TASOR: variants seen among roughly 807,000 people sequenced by gnomAD.
TASOR encodes transcription activation suppressor.
TASOR carries 53 observed loss-of-function variants against 178.6 expected under a neutral mutation model. That is an observed-to-expected ratio of 0.30 (90% CI 0.24 to 0.37). The LOEUF (loss-of-function observed/expected upper bound fraction) is 0.37, where lower values mean the gene tolerates loss of function less well. Ranked by LOEUF, TASOR falls within the 10% of genes least tolerant of loss-of-function variation. The probability of loss-of-function intolerance (pLI) is 1.00; values close to 1 mark genes in which losing one functional copy is unlikely to be tolerated. For synonymous variants in TASOR, 713 were observed against 696.2 expected (o/e 1.02, Z -0.38); for missense variants, 1,815 against 1,971.4 (o/e 0.92, Z 1.50).
rs1197531887 is a variant in TASOR, at chr3:56,647,124, C to T, written c.1613G>A (p.Cys538Tyr). The change falls in exon 14 of 24, where the codon TGT becomes TAT. Residue 538 changes from cysteine to tyrosine, a missense_variant. By Grantham distance (194) the Cys-to-Tyr change is radical (BLOSUM62 -2). Transcript: ENST00000683822. ...AQFLQFSLIQ[C>Y]RKEFKNISAI... is the part of the protein sequence containing the mutation. Reference sequence around the variant, plus strand: ...GCTTATATTTTTGAATTCCTTTCGACACTGAATCAAAGAAAATTGTAAAAA... The same window carrying T: ...GCTTATATTTTTGAATTCCTTTCGATACTGAATCAAAGAAAATTGTAAAAA... 2 of 1,607,016 alleles carry T rather than the reference C, an allele frequency of 1.2e-6. No homozygotes were observed. Among genetic ancestry groups the T allele is most frequent in the African/African-American group, 1.3e-5 (1 of 74,386 alleles).
rs1449704349 is a variant in TASOR, at chr3:56,622,402, A to C, written c.*635T>G. On this transcript the variant is annotated 3_prime_UTR_variant, in exon 24 of 24. Coordinates refer to ENST00000683822, the MANE Select transcript of TASOR (RefSeq NM_001365635.2). ...AGAAGCCTATCTTTTGAAATAAAAA[A>C]TTTAATTTCATTAAATCAAGGATTG... 2 of 152,422 alleles carry C rather than the reference A, an allele frequency of 1.3e-5. No homozygotes were observed. The highest frequency in any genetic ancestry group is 2.9e-5 in the Non-Finnish European group (2 of 68,006). The allele number at this position is 152,422 out of a possible 1,614,324, so 9.4% of individuals were successfully genotyped here. A position where few individuals can be genotyped will look rare whatever the true frequency, so the allele number is the denominator to read the frequency against.
chr3:56,674,692 T>C (rs183481314), intron 1 of TASOR, among the ~76,000 whole-genome samples: 10 of 152,194 alleles, frequency 6.6e-5, no homozygotes, highest in Admixed American at 4.6e-4. Flanking sequence ...GTAAATAAAT[T>C]ACTTATATAG....
intron 8 of TASOR, 112 bp from the exon 9 acceptor site, chr3:56,662,602 A>T: frequency 2.0e-6 from 1 of 488,368 alleles, no homozygotes; most frequent in Non-Finnish European, 3.7e-6. Context: ...TTTAAGTAGG[A>T]GGGCAAAAAA....
chr3:56,648,707 G>C (rs2077288215), intron 13 of TASOR, 115 bp downstream of exon 13: 2 of 562,922 alleles, frequency 3.6e-6, no homozygotes, highest in Admixed American at 3.3e-5. Context: ...TTAACCCCCA[G>C]TATTTCCTGA....
intron 16 of TASOR, among the ~76,000 whole-genome samples, chr3:56,638,978 C>T (rs2077068895): frequency 1.3e-5 from 2 of 152,140 alleles, no homozygotes; most frequent in African/African-American, 4.8e-5. Flanking sequence ...AAATGAGAAA[C>T]GGTTAGGATA....
intron 17 of TASOR, among the ~76,000 whole-genome samples, chr3:56,635,671 CCTCA>C (rs1393659169): frequency 6.6e-6 from 1 of 152,102 alleles, no homozygotes; most frequent in African/African-American, 2.4e-5. Context: ...AGACATGGGG[CCTCA>C]CTATGTTTCC....
intron 19 of TASOR, 77 bp downstream of exon 19, chr3:56,628,415 C>T (rs1349198912): frequency 7.7e-7 from 1 of 1,297,560 alleles, no homozygotes; most frequent in Non-Finnish European, 1.1e-6. Flanking sequence ...TTTAAAAACA[C>T]TAGTCTGGCA....
In TASOR at chr3:56,670,136, T is replaced by C. The variant is rs1202219369; in HGVS notation, c.580A>G (p.Ile194Val). Reference sequence around the variant, plus strand: ...CCCACATGTAATCCTTTTTCACATATGGTTTGAACCTAAATTTAAAAAAAA... The same window carrying C: ...CCCACATGTAATCCTTTTTCACATACGGTTTGAACCTAAATTTAAAAAAAA... ...LMVDRYQVQT[I>V]CEKGLHVGQS... Residue 194 changes from isoleucine (I) to valine (V), a missense_variant, in exon 4 of 24, where the codon ATA becomes GTA. Transcript: ENST00000683822. The C allele has an allele frequency of 8.5e-6, 13 of 1,532,330 alleles. No homozygotes were observed. Among genetic ancestry groups the C allele is most frequent in the Middle Eastern group, 1.7e-4 (1 of 5,922 alleles). 94.9% of individuals were successfully genotyped at this position (1,532,330 alleles called of 1,614,324 possible).
chr3:56,638,472 C>T (rs1221846924), intron 17 of TASOR, among the ~76,000 whole-genome samples: 1 of 152,114 alleles, frequency 6.6e-6, no homozygotes, highest in Non-Finnish European at 1.5e-5. Context: ...ATAGACTCTA[C>T]TATGGGTGAA....
intron 18 of TASOR, 37 bp downstream of exon 18, chr3:56,633,006 GT>G: frequency 6.9e-7 from 1 of 1,457,858 alleles, no homozygotes; most frequent in Non-Finnish European, 9.2e-7. Context: ...AACAAGAGAA[GT>G]TTGTACAGCA....
rs1316095196 is a variant in TASOR at position 56,620,561 on chromosome 3, C to T, written c.*2476G>A. Reference sequence around the variant, plus strand: ...TTTCCATGTCGTCATGTACCAATACCCTCTGCATTTCAAAATGTTGACTCA... The same window carrying T: ...TTTCCATGTCGTCATGTACCAATACTCTCTGCATTTCAAAATGTTGACTCA... On this transcript the variant is annotated 3_prime_UTR_variant, in exon 24 of 24. Coordinates refer to ENST00000683822, the MANE Select transcript of TASOR (RefSeq NM_001365635.2). The T allele has an allele frequency of 6.6e-6, 1 of 152,126 alleles. No homozygotes were observed. Among genetic ancestry groups the T allele is most frequent in the African/African-American group, 2.4e-5 (1 of 41,422 alleles). The allele number at this position is 152,126 out of a possible 1,614,324, so 9.4% of individuals were successfully genotyped here. A position where few individuals can be genotyped will look rare whatever the true frequency, so the allele number is the denominator to read the frequency against.
At chr3:56,634,038 TG>T (rs575274281) in intron 17 of TASOR, 72 bp from the exon 18 acceptor site, 2 of 1,272,804 alleles carry the variant, frequency 1.6e-6, no homozygotes, top group Non-Finnish European at 2.1e-6. Context: ...ACCCTTAAAT[TG>T]GGGGAAAAAA....
chr3:56,670,159 A>G lies in TASOR; in HGVS notation c.571-14T>C. On this transcript the variant is annotated splice_polypyrimidine_tract_variant and intron_variant, in intron 3 of 23. Coordinates refer to ENST00000683822, the MANE Select transcript of TASOR (RefSeq NM_001365635.2). ...TATGGTTTGAACCTAAATTTAAAAA[A>G]AAATACTTCATCTTGCAGTCATAAC... The G allele has an allele frequency of 7.6e-6, 11 of 1,456,138 alleles. No homozygotes were observed. The highest frequency in any genetic ancestry group is 1.0e-5 in the Non-Finnish European group (11 of 1,081,968). 90.2% of individuals were successfully genotyped at this position (1,456,138 alleles called of 1,614,324 possible). A position where few individuals can be genotyped will look rare whatever the true frequency, so the allele number is the denominator to read the frequency against.
Position 56,624,639 on chromosome 3 carries a change from C to A in TASOR, c.4323G>T (p.Lys1441Asn), listed in dbSNP as rs2076759641. 1.2e-6 allele frequency: 2 copies of A among 1,610,336 alleles called. No individual in the cohort carries two copies. Among genetic ancestry groups the A allele is most frequent in the East Asian group, 4.5e-5 (2 of 44,856 alleles). ...TATAACTGGAAAGCATCTTGATGTT[C>A]TTCTCTAAATTAAGAAAAAAAGTTT... is the stretch of plus-strand genomic sequence containing the variant. Reference protein sequence around the residue: ...QQRHIVFLTEKNIKMLSSYTD... With the variant: ...QQRHIVFLTENNIKMLSSYTD... The change falls in exon 23 of 24, where the codon AAG becomes AAT. Residue 1441 changes from lysine (K) to asparagine (N), a missense_variant. Coordinates refer to ENST00000683822, the MANE Select transcript of TASOR (RefSeq NM_001365635.2).
In TASOR at chr3:56,633,943, G is replaced by A; in HGVS notation, c.2848C>T (p.Leu950=). The A allele has an allele frequency of 6.4e-7, 1 of 1,550,506 alleles. No individual in the cohort carries two copies. The highest frequency in any genetic ancestry group is 8.7e-7 in the Non-Finnish European group (1 of 1,146,834). ...GCCTCCTGTGGTGGCACACACACCA[G>A]TTGTTCTTCTGGTGATTTCATACCT... The part of the protein sequence containing the change: ...TPGMKSPEEQ[L]VCVPPQEAFP... Residue 950 remains leucine (L), a synonymous_variant, in exon 18 of 24, where the codon CTG becomes TTG. Coordinates refer to ENST00000683822, the MANE Select transcript of TASOR (RefSeq NM_001365635.2).
At position 56,660,797 on chromosome 3, in the gene TASOR, A is replaced by T. The variant is rs1053241425; in HGVS notation, c.1302T>A (p.Val434=). The change falls in exon 11 of 24, where the codon GTT becomes GTA. Residue 434 remains valine, a synonymous_variant. Coordinates refer to ENST00000683822, the MANE Select transcript of TASOR (RefSeq NM_001365635.2). ...TACTTCCAATTCTTGTCTTTTCCAC[A>T]ACTTCATAAAGGCTGCAATACATTC... ...KNGMYCSLYE[V]VEKTRIGSNM... is the part of the protein sequence containing the mutation. 3.7e-6 allele frequency: 6 copies of T among 1,613,834 alleles called. No individual in the cohort carries two copies. Among genetic ancestry groups the T allele is most frequent in the Non-Finnish European group, 5.1e-6 (6 of 1,179,972 alleles).
intron 14 of TASOR, among the ~76,000 whole-genome samples, chr3:56,646,311 C>A (rs905279210): frequency 6.6e-6 from 1 of 152,158 alleles, no homozygotes; most frequent in African/African-American, 2.4e-5. Context: ...GTGGGCCATA[C>A]AGTCTCAGTG....
chr3:56,628,601 T>C lies in TASOR; in HGVS notation c.3761A>G (p.Lys1254Arg), dbSNP rs764518380. ...AGGATGACATTCTGTATTGCCTAAT[T>C]TGATAAGATATTCCTGTTAAAGAAA... Reference protein sequence around the residue: ...LCKEIKEYLIKLGNTECHPEQ... With the variant: ...LCKEIKEYLIRLGNTECHPEQ... Residue 1254 changes from lysine to arginine, a missense_variant, in exon 19 of 24, where the codon AAA becomes AGA. Physicochemically the swap from Lys to Arg is conservative, Grantham distance 26. Coordinates refer to ENST00000683822, the MANE Select transcript of TASOR (RefSeq NM_001365635.2). 1.3e-6 allele frequency: 2 copies of C among 1,559,614 alleles called. 1 individual carries two copies. The highest frequency in any genetic ancestry group is 2.4e-5 in the South Asian group (2 of 85,080).
At chr3:56,629,899 T>C (rs936835142) in intron 18 of TASOR, among the ~76,000 whole-genome samples, 7 of 152,154 alleles carry the variant, frequency 4.6e-5, no homozygotes, top group Admixed American at 6.5e-5. Flanking sequence ...TCTGGAACTT[T>C]TGGGCAGATC....
Sources: allele counts gnomAD v4.1 joint callset (sites outside exome capture counted in the v4.1 genomes callset), GRCh38; gene constraint gnomAD v4.1.1; transcripts MANE v1.5; gene names NCBI Gene and HGNC (gene_info 2026-07-23, HGNC 2026-07-21).